Variants in HMSD observed in about 807,000 individuals in gnomAD.
HMSD encodes histocompatibility minor serpin domain containing, also known as serpin-like protein HMSD.
HMSD carries 13 observed loss-of-function variants against 10.0 expected under a neutral mutation model. The observed-to-expected ratio is 1.31, with a 90% CI of 0.85 to 2.08. The LOEUF (loss-of-function observed/expected upper bound fraction) is 2.08, where lower values mean the gene tolerates loss of function less well. Among genes scored for constraint, HMSD ranks in the 30% most tolerant of loss-of-function variants. The pLI, the probability that HMSD is intolerant of heterozygous loss-of-function variation, is 0.00. For missense variants in HMSD, 169 were observed against 166.3 expected (o/e 1.02, Z -0.09); for synonymous variants, 51 against 54.2 (o/e 0.94, Z 0.26).
rs1439445166 is a variant in HMSD, at chr18:63,954,492, G to A, written c.157G>A (p.Asp53Asn). The A allele has an allele frequency of 5.0e-6, 8 of 1,613,628 alleles. No homozygotes were observed. In the Admixed American group the frequency reaches 1.0e-4, roughly 20 times the overall value. ...ACTTCTTGTTGCAATTAACAGAACT[G>A]ACACTGAATATGTGCTTAGAACTGC... is the stretch of plus-strand genomic sequence containing the variant. Reference protein sequence around the residue: ...QSLLVAINRTDTEYVLRTANG... With the variant: ...QSLLVAINRTNTEYVLRTANG... Residue 53 changes from aspartate (D) to asparagine (N), a missense_variant, in exon 3 of 4, where the codon GAC becomes AAC. Transcript: ENST00000408945.
Position 63,954,428 on chromosome 18 carries a change from C to T in HMSD, c.93C>T (p.Ile31=), listed in dbSNP as rs925545138. 6.2e-6 allele frequency: 10 copies of T among 1,611,720 alleles called. No individual in the cohort carries two copies. The highest frequency in any genetic ancestry group is 2.2e-5 in the East Asian group (1 of 44,846). ...TTCAGGCACTTTGTTTTAGTAAAATCGGAGGTGAAGATGGAGATATTCATC... is the reference window on the plus strand; with the variant it reads ...TTCAGGCACTTTGTTTTAGTAAAATTGGAGGTGAAGATGGAGATATTCATC... ...QMSQALCFSK[I]GGEDGDIHRG... Residue 31 remains isoleucine, a synonymous_variant, in exon 3 of 4, where the codon ATC becomes ATT. Transcript: ENST00000408945.
At chr18:63,965,167 T>C (rs1285302065), downstream of HMSD, among the ~76,000 whole-genome samples, 6 of 151,588 alleles carry the variant, frequency 4.0e-5, 1 homozygote, top group Non-Finnish European at 8.8e-5. Context: ...AAACACATTC[T>C]GGCTTGAGGG....
At position 63,960,602 on chromosome 18, in the gene HMSD, T is replaced by C. The variant is rs887853768; in HGVS notation, c.*247T>C. ...GCTGTCTCCCTCACTGGTATTGCCATACTGTATGGTTTACAGGCTTGAAAT... is the reference window on the plus strand; with the variant it reads ...GCTGTCTCCCTCACTGGTATTGCCACACTGTATGGTTTACAGGCTTGAAAT... On this transcript the variant is annotated 3_prime_UTR_variant, in exon 4 of 4. Transcript: ENST00000408945. The C allele has an allele frequency of 5.4e-5, 22 of 409,040 alleles. No individual in the cohort carries two copies. The highest frequency in any genetic ancestry group is 4.4e-4 in the African/African-American group (21 of 47,628). 25.3% of individuals were successfully genotyped at this position (409,040 alleles called of 1,614,324 possible). A position where few individuals can be genotyped will look rare whatever the true frequency, so the allele number is the denominator to read the frequency against.
downstream of HMSD, among the ~76,000 whole-genome samples, chr18:63,964,723 TC>T (rs2050403094): frequency 6.6e-6 from 1 of 152,066 alleles, no homozygotes; most frequent in Non-Finnish European, 1.5e-5. Context: ...GCAATTTATC[TC>T]TTCTTCTTTT....
At chr18:63,968,701 C>T (rs952649585) in intron 3 of HMSD, 1 of 152,138 alleles carries the variant, frequency 6.6e-6, no homozygotes, top group Non-Finnish European at 1.5e-5. Flanking sequence ...AAAGTGGGGC[C>T]CAAAGTCTGG....
In HMSD at chr18:63,953,399, A is replaced by C; in HGVS notation, c.-57A>C. ...TATCAGAAGCAAATGGCACATTTGC[A>C]TTAAACCTTTTGAAAAAGCTAGGGG... is the stretch of plus-strand genomic sequence containing the variant. On this transcript the variant is annotated 5_prime_UTR_variant, in exon 2 of 4. Transcript: ENST00000408945. 1 of 1,396,010 alleles carries C rather than the reference A, an allele frequency of 7.2e-7. No individual in the cohort carries two copies. The highest frequency in any genetic ancestry group is 1.0e-6 in the Non-Finnish European group (1 of 990,364). 86.5% of individuals were successfully genotyped at this position (1,396,010 alleles called of 1,614,324 possible).
At chr18:63,969,426 G>T (rs1295752604) in intron 3 of HMSD, 1 of 152,220 alleles carries the variant, frequency 6.6e-6, no homozygotes, top group Non-Finnish European at 1.5e-5. Context: ...ACAGAGTATG[G>T]ACAGGAGGAA....
chr18:63,968,643 A>G lies in HMSD; in HGVS notation n.312+8368A>G, dbSNP rs576617811. 2.0e-5 allele frequency: 3 copies of G among 152,368 alleles called. No individual in the cohort carries two copies. The East Asian group carries it at 5.8e-4, about 29-fold the overall frequency. 9.4% of individuals were successfully genotyped at this position (152,368 alleles called of 1,614,324 possible). On this transcript the variant is annotated intron_variant and non_coding_transcript_variant, in intron 3 of 5. Transcript: ENST00000481726. Reference sequence around the variant, plus strand: ...TCACGGAGGAAAACAAGCATTTTTCATCTTTTAATCTGTTTTGCTGGTCAA... The same window carrying G: ...TCACGGAGGAAAACAAGCATTTTTCGTCTTTTAATCTGTTTTGCTGGTCAA...
downstream of HMSD, among the ~76,000 whole-genome samples, chr18:63,965,919 G>C (rs2050407536): frequency 6.6e-6 from 1 of 152,202 alleles, no homozygotes; most frequent in South Asian, 2.1e-4. Context: ...TGAACCTGCA[G>C]GTTCAATGAG....
chr18:63,960,500 C>A lies in HMSD; in HGVS notation c.*145C>A. On this transcript the variant is annotated 3_prime_UTR_variant, in exon 4 of 4. Transcript: ENST00000408945. ...TCTCTCTAGATGAAATAATCTCTTC[C>A]AGGTTTTTTTGCTTGTTAATATTAG... 8.0e-7 allele frequency: 1 copy of A among 1,256,290 alleles called. No individual in the cohort carries two copies. Among genetic ancestry groups the A allele is most frequent in the African/African-American group, 1.5e-5 (1 of 64,948 alleles). The allele number at this position is 1,256,290 out of a possible 1,614,324, so 77.8% of individuals were successfully genotyped here.
At chr18:63,963,225 TTGCTTCCTTCCTTCCTTCC>T (rs1599114096), downstream of HMSD, among the ~76,000 whole-genome samples, 1 of 78,294 alleles carries the variant, frequency 1.3e-5, no homozygotes, top group East Asian at 3.3e-4. Context: ...CCTTCCTTCC[TTGCTTCCTTCCTTCCTTCC>T]TTGCTTCCTT....
chr18:63,966,950 A>G (rs1196009717), intron 3 of HMSD: 3 of 152,358 alleles, frequency 2.0e-5, no homozygotes, highest in East Asian at 1.9e-4. Flanking sequence ...TTTCTCTAGC[A>G]TTAATTAGCT....
intron 3 of HMSD, 143 bp from the exon 4 acceptor site, chr18:63,960,015 T>G (rs1411250034): frequency 3.5e-6 from 3 of 858,350 alleles, no homozygotes; most frequent in Non-Finnish European, 3.6e-6. Context: ...ATTTGGACTT[T>G]AGGTTAATTC....
intron 3 of HMSD, chr18:63,969,393 A>C (rs1433979101): frequency 6.6e-6 from 1 of 152,212 alleles, no homozygotes; most frequent in East Asian, 1.9e-4. Flanking sequence ...TGTTTAGGAG[A>C]GACATGAGAC....
chr18:63,958,318 C>T (rs960643600), intron 3 of HMSD, among the ~76,000 whole-genome samples: 4 of 152,136 alleles, frequency 2.6e-5, no homozygotes, highest in African/African-American at 9.7e-5. Context: ...GGTCACACAA[C>T]TAGTAAGTTG....
At chr18:63,963,949 A>T (rs988485309), downstream of HMSD, among the ~76,000 whole-genome samples, 6 of 152,226 alleles carry the variant, frequency 3.9e-5, no homozygotes, top group African/African-American at 1.2e-4. Context: ...CCACATTCTC[A>T]GGGAATGCTT....
chr18:63,965,590 T>A (rs55873002), downstream of HMSD, among the ~76,000 whole-genome samples: 6,544 of 152,324 alleles, frequency 0.043, 190 homozygotes, highest in Non-Finnish European at 0.056. Context: ...ATTAATGTAA[T>A]GCTTTTCACA....
At chr18:63,949,617 A>G (rs1208229133) in intron 1 of HMSD, among the ~76,000 whole-genome samples, 1 of 152,102 alleles carries the variant, frequency 6.6e-6, no homozygotes, top group African/African-American at 2.4e-5. Context: ...TGTGTGCCCT[A>G]TGGGTCCAGG....
intron 1 of HMSD, among the ~76,000 whole-genome samples, chr18:63,951,984 T>C (rs1347471290): frequency 1.3e-5 from 2 of 151,812 alleles, no homozygotes; most frequent in Non-Finnish European, 2.9e-5. Flanking sequence ...TTCATGTCCT[T>C]TGTAGGGACA....
Sources: allele counts gnomAD v4.1 joint callset (sites outside exome capture counted in the v4.1 genomes callset), GRCh38; gene constraint gnomAD v4.1.1; transcripts MANE v1.5; gene names NCBI Gene and HGNC (gene_info 2026-07-23, HGNC 2026-07-21).